ORAI2: variants seen among roughly 807,000 people sequenced by gnomAD.
ORAI2 encodes the protein ORAI calcium release-activated calcium modulator 2.
In ORAI2, 10 loss-of-function variants were observed where a neutral mutation model predicts 16.2. That is an observed-to-expected ratio of 0.62 (90% confidence interval 0.38 to 1.04). The LOEUF is 1.04. Ranked by LOEUF, ORAI2 falls within the 50% of genes least tolerant of loss-of-function variation. The pLI, the probability that ORAI2 is intolerant of heterozygous loss-of-function variation, is 0.01. For missense variants in ORAI2, 238 were observed against 355.5 expected, an observed-to-expected ratio of 0.67 and a Z score of 2.66; for synonymous variants, 150 against 157.5, an observed-to-expected ratio of 0.95 and a Z score of 0.35.
chr7:102,445,132 G>T (rs540427879), intron 3 of ORAI2, among the ~76,000 whole-genome samples: 1 of 152,176 alleles, frequency 6.6e-6, no homozygotes, highest in Non-Finnish European at 1.5e-5. Context: ...CCTCACTTCC[G>T]TCACCTTTCC....
At position 102,444,665 on chromosome 7, in the gene ORAI2, C is replaced by CTTTTTTT. The variant is rs35635937; in HGVS notation, c.226-1836_226-1830dup. On this transcript the variant is annotated intron_variant, in intron 3 of 3. Coordinates refer to ENST00000495936, the MANE Select transcript of ORAI2 (RefSeq NM_001126340.3). The stretch of plus-strand genomic sequence containing the variant: ...TAGAAGAACCTTCCCCAGGCTTCTT[C>CTTTTTTT]TTTTTTTTTTTTTTTTTTGAGACAA... Among the ~76,000 whole-genome samples, 3 of 118,052 alleles carry CTTTTTTT rather than the reference C, an allele frequency of 2.5e-5. 1 individual carries two copies. Among genetic ancestry groups the CTTTTTTT allele is most frequent in the Non-Finnish European group, 3.3e-5 (2 of 60,144 alleles). 77.4% of individuals were successfully genotyped at this position (118,052 alleles called of 152,430 possible). A position where few individuals can be genotyped will look rare whatever the true frequency, so the allele number is the denominator to read the frequency against.
intron 3 of ORAI2, among the ~76,000 whole-genome samples, chr7:102,444,628 G>A (rs953912617): frequency 2.0e-5 from 3 of 148,446 alleles, no homozygotes; most frequent in East Asian, 4.0e-4. Flanking sequence ...GGGAAACAGT[G>A]GAAACAGTGG....
chr7:102,444,148 A>G (rs1237254103), intron 3 of ORAI2, among the ~76,000 whole-genome samples: 1 of 151,844 alleles, frequency 6.6e-6, no homozygotes, highest in Admixed American at 6.6e-5. Flanking sequence ...CAGACAGGAT[A>G]TCGCTCCATT....
chr7:102,435,621 C>G (rs1797040916), intron 1 of ORAI2, among the ~76,000 whole-genome samples: 1 of 148,754 alleles, frequency 6.7e-6, no homozygotes, highest in Non-Finnish European at 1.5e-5. Context: ...ACTGCAACCT[C>G]TGCCACCACA....
At position 102,454,462 on chromosome 7, in the gene ORAI2, C is replaced by T. The variant is rs772194079; in HGVS notation, c.*7410C>T. ...TACTGTGGGATGGGGGACAGGCTGGCTTAACACAAATCGAGGCAGGAATAA... is the reference window on the plus strand; with the variant it reads ...TACTGTGGGATGGGGGACAGGCTGGTTTAACACAAATCGAGGCAGGAATAA... On this transcript the variant is annotated 3_prime_UTR_variant, in exon 4 of 4. Transcript: ENST00000495936. 1 of 153,712 alleles carries T rather than the reference C, an allele frequency of 6.5e-6. No homozygotes were observed. Among genetic ancestry groups the T allele is most frequent in the Non-Finnish European group, 1.5e-5 (1 of 68,070 alleles). The allele number at this position is 153,712 out of a possible 1,614,324, so 9.5% of individuals were successfully genotyped here.
chr7:102,448,684 T>G lies in ORAI2; in HGVS notation c.*1632T>G, dbSNP rs1797439430. 1 of 139,826 alleles carries G rather than the reference T, an allele frequency of 7.2e-6. No homozygotes were observed. Among genetic ancestry groups the G allele is most frequent in the Non-Finnish European group, 1.5e-5 (1 of 66,518 alleles). 8.7% of individuals were successfully genotyped at this position (139,826 alleles called of 1,614,324 possible). ...GTGAGCTGAGATGGCGCCACTGCAC[T>G]CCAGCCTGGGCGACAGAGCCAGACT... On this transcript the variant is annotated 3_prime_UTR_variant, in exon 4 of 4. Transcript: ENST00000495936.
At chr7:102,437,547 G>A (rs997241155) in intron 2 of ORAI2, among the ~76,000 whole-genome samples, 1 of 152,150 alleles carries the variant, frequency 6.6e-6, no homozygotes, top group South Asian at 2.1e-4. Flanking sequence ...CCCAGGAGGC[G>A]GAGGTTGCAG....
At position 102,456,002 on chromosome 7, in the gene ORAI2, A is replaced by G. The variant is rs1183854100; in HGVS notation, c.*8950A>G. On this transcript the variant is annotated 3_prime_UTR_variant, in exon 4 of 4. Coordinates refer to ENST00000495936, the MANE Select transcript of ORAI2 (RefSeq NM_001126340.3). ...CTGTAAAGAGTGGTGCTGGCCCCGA[A>G]CCTTTCCTGTTCCCCTGGATTTAGT... The G allele has an allele frequency of 1.3e-5, 2 of 153,140 alleles. No homozygotes were observed. Among genetic ancestry groups the G allele is most frequent in the South Asian group, 2.1e-4 (1 of 4,834 alleles). 9.5% of individuals were successfully genotyped at this position (153,140 alleles called of 1,614,324 possible). A position where few individuals can be genotyped will look rare whatever the true frequency, so the allele number is the denominator to read the frequency against.
rs893289526 is a variant in ORAI2, at chr7:102,450,402, A to G, written c.*3350A>G. On this transcript the variant is annotated 3_prime_UTR_variant, in exon 4 of 4. Transcript: ENST00000495936. ...CTCCTGCCACCTACCTTCCTGGACC[A>G]TCTGTGCCCCTGCCCACGCAGTACC... 1 of 152,398 alleles carries G rather than the reference A, an allele frequency of 6.6e-6. No individual in the cohort carries two copies. Among genetic ancestry groups the G allele is most frequent in the East Asian group, 1.9e-4 (1 of 5,192 alleles). 9.4% of individuals were successfully genotyped at this position (152,398 alleles called of 1,614,324 possible).
At position 102,444,857 on chromosome 7, in the gene ORAI2, G is replaced by T. The variant is rs563385676; in HGVS notation, c.226-1656G>T. Among the ~76,000 whole-genome samples, 3 of 151,520 alleles carry T rather than the reference G, an allele frequency of 2.0e-5. No individual in the cohort carries two copies. In the East Asian group the frequency reaches 5.9e-4, roughly 30 times the overall value. ...ATTTTTTGTATTTTTAGTAAAGACG[G>T]GGTTTCACCATGCGGGCCAGGCTGG... is the stretch of plus-strand genomic sequence containing the variant. On this transcript the variant is annotated intron_variant, in intron 3 of 3. Coordinates refer to ENST00000495936, the MANE Select transcript of ORAI2 (RefSeq NM_001126340.3).
chr7:102,434,235 C>A (rs1797002646), intron 1 of ORAI2, among the ~76,000 whole-genome samples: 1 of 152,096 alleles, frequency 6.6e-6, no homozygotes, highest in African/African-American at 2.4e-5. Flanking sequence ...CACCCCACCC[C>A]CTGCCTGGGA....
In ORAI2 at chr7:102,446,750, G is replaced by A. The variant is rs369139105; in HGVS notation, c.463G>A (p.Val155Met). 2.5e-6 allele frequency: 4 copies of A among 1,614,152 alleles called. No homozygotes were observed. The highest frequency in any genetic ancestry group is 2.5e-6 in the Non-Finnish European group (3 of 1,180,036). ...CGAGCTGGCCTGGGGCTTCTCCACC[G>A]TGCTTGGCATCCTACTCTTCCTGGC... ...YIELAWGFST[V>M]LGILLFLAEV... Residue 155 changes from valine (V) to methionine (M), a missense_variant, in exon 4 of 4, where the codon GTG (valine) becomes ATG (methionine). Val to Met is a conservative substitution (Grantham distance 21, BLOSUM62 1). Coordinates refer to ENST00000495936, the MANE Select transcript of ORAI2 (RefSeq NM_001126340.3).
chr7:102,445,190 G>A (rs1797314874), intron 3 of ORAI2, among the ~76,000 whole-genome samples: 2 of 58,892 alleles, frequency 3.4e-5, no homozygotes. Flanking sequence ...CCTCTGCTGA[G>A]GAGGCACCAT....
rs1037233714 is a variant in ORAI2 at position 102,448,952 on chromosome 7, C to T, written c.*1900C>T. 1.3e-5 allele frequency: 2 copies of T among 151,956 alleles called. No individual in the cohort carries two copies. Among genetic ancestry groups the T allele is most frequent in the African/African-American group, 4.8e-5 (2 of 41,348 alleles). 9.4% of individuals were successfully genotyped at this position (151,956 alleles called of 1,614,324 possible). ...CTCTCGTAAAAGCTTAAGCTCTCTC[C>T]GGGGTCCGGGTTGGCCGTGCCGTGG... On this transcript the variant is annotated 3_prime_UTR_variant, in exon 4 of 4. Transcript: ENST00000495936.
At chr7:102,443,096 TTCTTCTTC>T in intron 3 of ORAI2, among the ~76,000 whole-genome samples, 1 of 17,452 alleles carries the variant, frequency 5.7e-5, no homozygotes, top group Admixed American at 8.8e-4. Context: ...TCTTTTCTTC[TTCTTCTTC>T]TTCTTCTTCT....
At position 102,438,943 on chromosome 7, in the gene ORAI2, G is replaced by C; in HGVS notation, c.-13-1G>C. ...TGAGCATGTCTCTCTCCCACCCTTA[G>C]CCTGGCTCCCACCATGAGTGCTGAG... On this transcript the variant is annotated splice_acceptor_variant, in intron 2 of 3. Coordinates refer to ENST00000495936, the MANE Select transcript of ORAI2 (RefSeq NM_001126340.3). LOFTEE classifies it low-confidence loss of function (5UTR_SPLICE). 6.2e-7 allele frequency: 1 copy of C among 1,613,616 alleles called. No homozygotes were observed. The highest frequency in any genetic ancestry group is 8.5e-7 in the Non-Finnish European group (1 of 1,179,854).
rs754118697 is a variant in ORAI2 at position 102,447,033 on chromosome 7, G to A, written c.746G>A (p.Arg249His). 34 of 1,548,438 alleles carry A rather than the reference G, an allele frequency of 2.2e-5. No homozygotes were observed. The highest frequency in any genetic ancestry group is 5.8e-5 in the Admixed American group (3 of 51,318). Residue 249 changes from arginine (R) to histidine (H), a missense_variant, in exon 4 of 4, where the codon CGC (arginine) becomes CAC (histidine). Transcript: ENST00000495936. Reference sequence around the variant, plus strand: ...AAGGTCCAGCTGGACGGGCATGAGCGCAGCCTGCAGGTCTTGTGAGGGGCC... The same window carrying A: ...AAGGTCCAGCTGGACGGGCATGAGCACAGCCTGCAGGTCTTGTGAGGGGCC... Reference protein sequence around the residue: ...KLKVQLDGHERSLQVL With the variant: ...KLKVQLDGHEHSLQVL
chr7:102,456,178 G>GCCC lies in ORAI2; in HGVS notation c.*9129_*9131dup, dbSNP rs1797640523. 1 of 153,786 alleles carries GCCC rather than the reference G, an allele frequency of 6.5e-6. No homozygotes were observed. The highest frequency in any genetic ancestry group is 1.5e-5 in the Non-Finnish European group (1 of 68,194). 9.5% of individuals were successfully genotyped at this position (153,786 alleles called of 1,614,324 possible). ...GAGCAGCTCCCCCATCCAGGTAAGCGCCCCCACCACAGCCCCATCACAAAG... is the reference window on the plus strand; with the variant it reads ...GAGCAGCTCCCCCATCCAGGTAAGCGCCCCCCCCACCACAGCCCCATCACAAAG... On this transcript the variant is annotated 3_prime_UTR_variant, in exon 4 of 4. Transcript: ENST00000495936.
At chr7:102,434,458 T>G (rs1797011144) in intron 1 of ORAI2, among the ~76,000 whole-genome samples, 2 of 152,204 alleles carry the variant, frequency 1.3e-5, no homozygotes, top group Non-Finnish European at 2.9e-5. Context: ...GCCTCACCGA[T>G]GGGGCATGGG....
Sources: gnomAD v4.1 joint callset for allele counts (sites outside exome capture counted in the v4.1 genomes callset) on GRCh38, gnomAD v4.1.1 for gene constraint, MANE v1.5 for transcripts, NCBI Gene and HGNC (gene_info 2026-07-23, HGNC 2026-07-21) for gene names.